The following GATAD2B variants were observed in gnomAD, a reference collection of about 807,000 sequenced individuals.
GATAD2B encodes GATA zinc finger domain containing 2B.
Under a neutral mutation model 64.3 loss-of-function variants are expected in GATAD2B, and 8 were observed. The ratio of observed to expected loss-of-function variants is 0.12; its 90% confidence interval spans 0.07 to 0.22. The LOEUF (loss-of-function observed/expected upper bound fraction) is 0.22, where lower values mean the gene tolerates loss of function less well. Among genes scored for constraint, GATAD2B ranks in the 10% least tolerant of loss-of-function variants. GATAD2B has a pLI of 1.00. For missense variants in GATAD2B, 453 were observed against 752.0 expected (o/e 0.60, Z 4.65); for synonymous variants, 281 against 271.3 (o/e 1.04, Z -0.35).
intron 1 of GATAD2B, among the ~76,000 whole-genome samples, chr1:153,864,631 G>T (rs959193915): frequency 2.0e-5 from 3 of 151,482 alleles, no homozygotes; most frequent in Non-Finnish European, 2.9e-5. Context: ...AGAAAGAGAA[G>T]AAGAAAAGAA....
intron 2 of GATAD2B, 112 bp from the exon 3 acceptor site, chr1:153,819,847 CT>C: frequency 6.9e-6 from 6 of 872,528 alleles, no homozygotes; most frequent in Non-Finnish European, 6.8e-6. Flanking sequence ...TCCTGTAATC[CT>C]AGCACTTTGG....
rs754580519 is a variant in GATAD2B at position 153,862,118 on chromosome 1, CTTTT to C, written c.-1-33774_-1-33771del. Reference sequence around the variant, plus strand: ...CAACGTATTTTACATACATTATATCCTTTTTTTTTTTTTTTTTTTTTTTAGACTG... The same window carrying C: ...CAACGTATTTTACATACATTATATCCTTTTTTTTTTTTTTTTTTTAGACTG... On this transcript the variant is annotated intron_variant, in intron 1 of 10. Coordinates refer to ENST00000368655, the MANE Select transcript of GATAD2B (RefSeq NM_020699.4). Among the ~76,000 whole-genome samples the C allele has an allele frequency of 9.4e-3, 954 of 101,142 alleles. 8 individuals are homozygous for C. Among genetic ancestry groups the C allele is most frequent in the African/African-American group, 0.034 (919 of 27,402 alleles). 66.4% of individuals were successfully genotyped at this position (101,142 alleles called of 152,430 possible). A position where few individuals can be genotyped will look rare whatever the true frequency, so the allele number is the denominator to read the frequency against.
At chr1:153,827,705 T>C (rs1426861029) in intron 2 of GATAD2B, 4 of 325,840 alleles carry the variant, frequency 1.2e-5, no homozygotes, top group Non-Finnish European at 1.1e-5. Context: ...AAGACGGCCA[T>C]GAAGATTAGA....
At chr1:153,918,160 T>A (rs1338425053) in intron 1 of GATAD2B, among the ~76,000 whole-genome samples, 1 of 151,994 alleles carries the variant, frequency 6.6e-6, no homozygotes, top group Non-Finnish European at 1.5e-5. Flanking sequence ...ATGGAAGAGG[T>A]TGGGGAGGGC....
chr1:153,842,723 G>A (rs899353318), intron 1 of GATAD2B, among the ~76,000 whole-genome samples: 18 of 150,130 alleles, frequency 1.2e-4, no homozygotes, highest in African/African-American at 4.2e-4. Context: ...CACAATCTCG[G>A]CTCACTGCAG....
In GATAD2B at chr1:153,874,616, A is replaced by C. The variant is rs368745363; in HGVS notation, c.-1-46268T>G. On this transcript the variant is annotated intron_variant, in intron 1 of 10. Transcript: ENST00000368655. Reference sequence around the variant, plus strand: ...TTTTGAGACGGAGTTTCCCTCTGTCACCCAGGCTGGAGTGCAGTGGCGCGA... The same window carrying C: ...TTTTGAGACGGAGTTTCCCTCTGTCCCCCAGGCTGGAGTGCAGTGGCGCGA... Among the ~76,000 whole-genome samples the C allele has an allele frequency of 1.1e-4, 16 of 152,062 alleles. No homozygotes were observed. In the South Asian group the frequency reaches 3.1e-3, roughly 30 times the overall value.
Position 153,818,182 on chromosome 1 carries a change from G to T in GATAD2B, c.598-11C>A. Reference sequence around the variant, plus strand: ...CTGTACAACTGGAGTCTGGGAGAGGGAAGAGAAAATAAGACTGTGGCCAAT... The same window carrying T: ...CTGTACAACTGGAGTCTGGGAGAGGTAAGAGAAAATAAGACTGTGGCCAAT... On this transcript the variant is annotated splice_polypyrimidine_tract_variant and intron_variant, in intron 4 of 10. Transcript: ENST00000368655. The T allele has an allele frequency of 6.3e-7, 1 of 1,586,734 alleles. No homozygotes were observed. The highest frequency in any genetic ancestry group is 8.6e-7 in the Non-Finnish European group (1 of 1,167,544).
At chr1:153,921,550 C>G (rs1013977964) in intron 1 of GATAD2B, among the ~76,000 whole-genome samples, 10 of 152,104 alleles carry the variant, frequency 6.6e-5, no homozygotes, top group African/African-American at 2.4e-4. Context: ...TCCTTCGCCT[C>G]TGCTGAAATG....
At chr1:153,904,177 G>C (rs1677858852) in intron 1 of GATAD2B, among the ~76,000 whole-genome samples, 1 of 152,084 alleles carries the variant, frequency 6.6e-6, no homozygotes, top group African/African-American at 2.4e-5. Context: ...CTACTTGGAA[G>C]GCTGACGCAG....
intron 1 of GATAD2B, among the ~76,000 whole-genome samples, chr1:153,879,940 G>A (rs763589620): frequency 2.6e-5 from 4 of 152,012 alleles, no homozygotes; most frequent in Non-Finnish European, 4.4e-5. Flanking sequence ...TTCCTTCCAT[G>A]TGCTGTTTGA....
At chr1:153,909,498 C>G (rs575461289) in intron 1 of GATAD2B, among the ~76,000 whole-genome samples, 57 of 151,764 alleles carry the variant, frequency 3.8e-4, no homozygotes, top group African/African-American at 1.3e-3. Context: ...CCATGCCCGG[C>G]CACATTAAAA....
intron 1 of GATAD2B, among the ~76,000 whole-genome samples, chr1:153,880,717 G>A (rs536564805): frequency 5.3e-5 from 8 of 151,936 alleles, no homozygotes; most frequent in East Asian, 1.9e-4. Context: ...GGTGGTACAC[G>A]CCTGCAGTCC....
intron 1 of GATAD2B, among the ~76,000 whole-genome samples, chr1:153,849,426 C>T (rs1013875010): frequency 1.4e-4 from 21 of 152,308 alleles, no homozygotes; most frequent in East Asian, 7.7e-4. Flanking sequence ...GAGGGACAAA[C>T]ATTCACAAGA....
intron 1 of GATAD2B, among the ~76,000 whole-genome samples, chr1:153,894,716 G>C (rs1191914723): frequency 2.6e-5 from 4 of 152,124 alleles, no homozygotes; most frequent in African/African-American, 9.7e-5. Context: ...CAAAAAATTA[G>C]CCAGGCATGG....
At chr1:153,847,148 G>C (rs991117948) in intron 1 of GATAD2B, among the ~76,000 whole-genome samples, 3 of 151,900 alleles carry the variant, frequency 2.0e-5, no homozygotes, top group Non-Finnish European at 2.9e-5. Flanking sequence ...TGTATTTTTA[G>C]TGGAGACAGG....
intron 4 of GATAD2B, 127 bp from the exon 5 acceptor site, chr1:153,818,298 A>G: frequency 5.7e-6 from 4 of 700,838 alleles, no homozygotes; most frequent in South Asian, 2.5e-5. Flanking sequence ...AACCAGAAAA[A>G]GGGAGTCAAG....
chr1:153,917,395 A>C (rs1000330491), intron 1 of GATAD2B, among the ~76,000 whole-genome samples: 3 of 113,044 alleles, frequency 2.7e-5, no homozygotes, highest in Non-Finnish European at 3.6e-5. Context: ...CATGCCCCAC[A>C]TATCTTTTTT....
Position 153,912,760 on chromosome 1 carries a change from C to G in GATAD2B, c.-2+9973G>C, listed in dbSNP as rs1678142986. ...CACTGCTAGATAAAAAGTTTGGAAT[C>G]TAGGAGTGAACATCATTCAGATAAC... On this transcript the variant is annotated intron_variant, in intron 1 of 10. Coordinates refer to ENST00000368655, the MANE Select transcript of GATAD2B (RefSeq NM_020699.4). Among the ~76,000 whole-genome samples the G allele has an allele frequency of 3.3e-5, 5 of 152,136 alleles. No homozygotes were observed. In the South Asian group the frequency reaches 1.0e-3, roughly 32 times the overall value.
Position 153,819,747 on chromosome 1 carries a change from A to G in GATAD2B, c.336-12T>C, listed in dbSNP as rs763517486. The G allele has an allele frequency of 8.2e-6, 13 of 1,579,548 alleles. No individual in the cohort carries two copies. Among genetic ancestry groups the G allele is most frequent in the Non-Finnish European group, 1.1e-5 (13 of 1,168,972 alleles). On this transcript the variant is annotated splice_polypyrimidine_tract_variant and intron_variant, in intron 2 of 10. Transcript: ENST00000368655. Reference sequence around the variant, plus strand: ...CTCGCTCTGGCTCACTAGACAAGAAAGGGAAAAAATAAGCTATTTCCAACA... The same window carrying G: ...CTCGCTCTGGCTCACTAGACAAGAAGGGGAAAAAATAAGCTATTTCCAACA...
Sources: gnomAD v4.1 joint callset for allele counts (sites outside exome capture counted in the v4.1 genomes callset) on GRCh38, gnomAD v4.1.1 for gene constraint, MANE v1.5 for transcripts, NCBI Gene and HGNC (gene_info 2026-07-23, HGNC 2026-07-21) for gene names.